Variants in NOX4 observed in about 807,000 individuals in gnomAD.
NOX4 encodes NADPH oxidase 4.
A neutral mutation model predicts 87.6 loss-of-function variants in NOX4; 69 were observed. The observed-to-expected ratio is 0.79, with a 90% CI of 0.65 to 0.96. The LOEUF is 0.96. Ranked by LOEUF, NOX4 falls within the 40% of genes least tolerant of loss-of-function variation. The pLI is 0.00. For synonymous variants in NOX4, 275 were observed against 238.2 expected, an observed-to-expected ratio of 1.15 and a Z score of -1.42; for missense variants, 680 against 681.5, an observed-to-expected ratio of 1.00 and a Z score of 0.02.
intron 2 of NOX4, among the ~76,000 whole-genome samples, chr11:89,489,709 C>T (rs2213004): frequency 7.1e-6 from 1 of 140,918 alleles, no homozygotes; most frequent in African/African-American, 2.6e-5. Flanking sequence ...GCCTGGGCAT[C>T]GCAGCAAGAC....
chr11:89,458,734 C>A (rs1945319916), intron 2 of NOX4, among the ~76,000 whole-genome samples: 1 of 152,036 alleles, frequency 6.6e-6, no homozygotes, highest in Non-Finnish European at 1.5e-5. Context: ...TAGAGAAATG[C>A]AAATCAAAAC....
chr11:89,413,373 G>C (rs1385124685), intron 8 of NOX4, among the ~76,000 whole-genome samples: 2 of 152,138 alleles, frequency 1.3e-5, no homozygotes, highest in Non-Finnish European at 2.9e-5. Context: ...AGAGATACCT[G>C]CACTTGCATG....
At chr11:89,333,104 C>T (rs1325960102) in intron 17 of NOX4, among the ~76,000 whole-genome samples, 2 of 151,724 alleles carry the variant, frequency 1.3e-5, no homozygotes, top group Non-Finnish European at 2.9e-5. Flanking sequence ...ATTACCACAG[C>T]ACTATTTTTA....
At chr11:89,455,366 C>G (rs866384570) in intron 2 of NOX4, among the ~76,000 whole-genome samples, 1 of 152,076 alleles carries the variant, frequency 6.6e-6, no homozygotes, top group African/African-American at 2.4e-5. Context: ...CCTCTCAACT[C>G]TAGGATCTGG....
intron 9 of NOX4, among the ~76,000 whole-genome samples, chr11:89,401,634 T>C (rs1358847128): frequency 4.6e-5 from 7 of 152,196 alleles, no homozygotes; most frequent in South Asian, 2.1e-4. Flanking sequence ...AGGGCCCTTA[T>C]TGAACTAATC....
intron 16 of NOX4, among the ~76,000 whole-genome samples, chr11:89,336,383 T>G (rs1212709680): frequency 1.3e-5 from 2 of 152,068 alleles, no homozygotes; most frequent in Middle Eastern, 3.4e-3. Flanking sequence ...ACTTCAACAT[T>G]GAAGTATTTT....
At chr11:89,535,213 C>G in the NOX4 span, among the ~76,000 whole-genome samples, 1 of 152,138 alleles carries the variant, frequency 6.6e-6, no homozygotes, top group African/African-American at 2.4e-5. Flanking sequence ...CTACTGTCCT[C>G]CAGTCACTTT....
the NOX4 span, among the ~76,000 whole-genome samples, chr11:89,539,809 C>T: frequency 6.6e-6 from 1 of 152,106 alleles, no homozygotes; most frequent in East Asian, 1.9e-4. Flanking sequence ...TAGATCCCAC[C>T]CAGGACAAGG....
the NOX4 span, among the ~76,000 whole-genome samples, chr11:89,509,459 T>G: frequency 6.6e-6 from 1 of 152,012 alleles, no homozygotes; most frequent in Non-Finnish European, 1.5e-5. Context: ...AATTCTTCAG[T>G]CCAGTGCTGC....
At chr11:89,514,224 A>G in the NOX4 span, among the ~76,000 whole-genome samples, 1 of 151,988 alleles carries the variant, frequency 6.6e-6, no homozygotes, top group East Asian at 1.9e-4. Flanking sequence ...CACTTTTTAA[A>G]TAAAATTTAT....
intron 17 of NOX4, among the ~76,000 whole-genome samples, chr11:89,330,347 T>C (rs1040214180): frequency 8.6e-5 from 13 of 152,042 alleles, no homozygotes; most frequent in African/African-American, 1.2e-4. Context: ...ATACTCTGTC[T>C]CTAAAAAATA....
intron 2 of NOX4, among the ~76,000 whole-genome samples, chr11:89,455,838 C>A (rs1318667580): frequency 1.3e-5 from 2 of 151,102 alleles, no homozygotes; most frequent in African/African-American, 4.9e-5. Context: ...ATTTGGTAAT[C>A]AATAAATCTT....
At chr11:89,384,607 A>G (rs1940551251) in intron 11 of NOX4, among the ~76,000 whole-genome samples, 1 of 152,068 alleles carries the variant, frequency 6.6e-6, no homozygotes, top group African/African-American at 2.4e-5. Context: ...ACCAAAGCAA[A>G]TCTAGGTGAC....
the NOX4 span, among the ~76,000 whole-genome samples, chr11:89,507,349 T>G: frequency 6.6e-6 from 1 of 151,554 alleles, no homozygotes; most frequent in African/African-American, 2.4e-5. Flanking sequence ...TAAAGTTACG[T>G]GTGTGTATAT....
At chr11:89,574,183 G>T in the NOX4 span, among the ~76,000 whole-genome samples, 3 of 152,106 alleles carry the variant, frequency 2.0e-5, no homozygotes, top group Non-Finnish European at 4.4e-5. Flanking sequence ...GTGGGTAGGG[G>T]TGAACAGCCC....
chr11:89,335,683 C>T (rs1011732620), intron 17 of NOX4, among the ~76,000 whole-genome samples, 162 bp downstream of exon 17: 4 of 151,726 alleles, frequency 2.6e-5, no homozygotes, highest in Non-Finnish European at 5.9e-5. Flanking sequence ...AAATGTAGGA[C>T]GATACCTGCC....
At chr11:89,398,789 T>C (rs1941650214) in intron 11 of NOX4, among the ~76,000 whole-genome samples, 1 of 151,898 alleles carries the variant, frequency 6.6e-6, no homozygotes, top group Non-Finnish European at 1.5e-5. Flanking sequence ...AAAGTCCAAA[T>C]ATCCAACTTC....
At chr11:89,342,620 T>C (rs1946055162) in intron 13 of NOX4, among the ~76,000 whole-genome samples, 1 of 152,174 alleles carries the variant, frequency 6.6e-6, no homozygotes, top group African/African-American at 2.4e-5. Flanking sequence ...CTGGAAATAC[T>C]TATTTAAACA....
At chr11:89,413,958 A>G (rs766516271) in intron 8 of NOX4, among the ~76,000 whole-genome samples, 13 of 152,078 alleles carry the variant, frequency 8.5e-5, no homozygotes, top group Non-Finnish European at 1.3e-4. Flanking sequence ...AGAACATTAC[A>G]TAGACAACAA....
Sources: allele counts gnomAD v4.1 joint callset (sites outside exome capture counted in the v4.1 genomes callset), GRCh38; gene constraint gnomAD v4.1.1; transcripts MANE v1.5; gene names NCBI Gene and HGNC (gene_info 2026-07-23, HGNC 2026-07-21).